Variants in SLC22A16 observed in about 807,000 individuals in gnomAD.
The protein encoded by SLC22A16 is solute carrier family 22 member 16, also known as WUGSC:RG331P03.1.
In SLC22A16, 53 loss-of-function variants were observed where a neutral mutation model predicts 52.9. The observed-to-expected ratio is 1.00, with a 90% CI of 0.80 to 1.26. The LOEUF is 1.26. SLC22A16 is among the 50% of genes most tolerant of loss of function. The probability of loss-of-function intolerance (pLI) is 0.00; values close to 1 mark genes in which losing one functional copy is unlikely to be tolerated. For synonymous variants in SLC22A16, 291 were observed against 268.8 expected (o/e 1.08, Z -0.81); for missense variants, 726 against 704.0 (o/e 1.03, Z -0.35).
Position 110,446,873 on chromosome 6 carries a change from C to T in SLC22A16, c.651G>A (p.Met217Ile). The T allele has an allele frequency of 6.2e-7, 1 of 1,607,970 alleles. No individual in the cohort carries two copies. Among genetic ancestry groups the T allele is most frequent in the Non-Finnish European group, 8.5e-7 (1 of 1,178,036 alleles). ...TAAAGAAGTAAAAAACACAACTCAC[C>T]ATGGCAAGAAAAAAGCGAGCAGCCA... ...TFMAARFFLA[M>I]VASGYLVVGF... is the part of the protein sequence containing the mutation. The change falls in exon 3 of 8, where the codon ATG (methionine) becomes ATA (isoleucine). Residue 217 changes from methionine (M) to isoleucine (I), a missense_variant and splice_region_variant. Transcript: ENST00000368919.
chr6:110,474,931 C>A, intron 1 of SLC22A16: 1 of 519,046 alleles, frequency 1.9e-6, no homozygotes, highest in Non-Finnish European at 3.8e-6. Flanking sequence ...GTACCACCTA[C>A]CTCATTGAGT....
At chr6:110,450,796 A>G (rs991929481) in intron 2 of SLC22A16, among the ~76,000 whole-genome samples, 2 of 152,094 alleles carry the variant, frequency 1.3e-5, no homozygotes, top group Admixed American at 6.5e-5. Context: ...AAGAATAATA[A>G]AAAATCAAAT....
intron 1 of SLC22A16, 97 bp downstream of exon 1, chr6:110,476,425 G>C: frequency 7.2e-7 from 1 of 1,397,906 alleles, no homozygotes; most frequent in South Asian, 1.6e-5. Context: ...AGATGTTTTC[G>C]GATCGCGAGC....
chr6:110,455,067 T>TAC (rs1309493213), intron 2 of SLC22A16, among the ~76,000 whole-genome samples: 5 of 134,732 alleles, frequency 3.7e-5, no homozygotes, highest in South Asian at 2.2e-4. Context: ...TATATATATA[T>TAC]ACACACACAT....
At chr6:110,429,169 T>C (rs193125194) in intron 7 of SLC22A16, among the ~76,000 whole-genome samples, 2 of 152,304 alleles carry the variant, frequency 1.3e-5, no homozygotes, top group Admixed American at 6.5e-5. Flanking sequence ...AAACAAGTGC[T>C]AGCACAAAGG....
At chr6:110,475,459 G>A (rs1303854987) in intron 1 of SLC22A16, among the ~76,000 whole-genome samples, 1 of 152,198 alleles carries the variant, frequency 6.6e-6, no homozygotes, top group Non-Finnish European at 1.5e-5. Flanking sequence ...AATGATGCAA[G>A]CAGAGGAAGA....
chr6:110,463,558 A>G (rs1186252768), intron 1 of SLC22A16, among the ~76,000 whole-genome samples: 1 of 146,998 alleles, frequency 6.8e-6, no homozygotes, highest in Non-Finnish European at 1.5e-5. Flanking sequence ...GCATTATCCA[A>G]TGATACACGG....
In SLC22A16 at chr6:110,442,227, A is replaced by G; in HGVS notation, c.1183+17T>C. 1 of 1,604,132 alleles carries G rather than the reference A, an allele frequency of 6.2e-7. No homozygotes were observed. The highest frequency in any genetic ancestry group is 1.1e-5 in the South Asian group (1 of 89,574). ...TCTCACTTCACTGCCAAATTTAAAT[A>G]TACTGTAACTACTTACCCAGGAGGA... On this transcript the variant is annotated intron_variant, in intron 4 of 7. Transcript: ENST00000368919.
chr6:110,456,699 A>C lies in SLC22A16; in HGVS notation c.372T>G (p.Pro124=). The C allele has an allele frequency of 1.2e-6, 2 of 1,614,158 alleles. No homozygotes were observed. Among genetic ancestry groups the C allele is most frequent in the South Asian group, 2.2e-5 (2 of 91,076 alleles). ...YEYTGSKKEF[P]CVDGYIYDQN... is the part of the protein sequence containing the mutation. ...GGTCATATATGTAGCCATCCACACA[A>C]GGAAACTCTTTCTTACTGCCAGTGT... The change falls in exon 2 of 8, where the codon CCT becomes CCG. Residue 124 remains proline, a synonymous_variant. Coordinates refer to ENST00000368919, the MANE Select transcript of SLC22A16 (RefSeq NM_033125.4).
intron 1 of SLC22A16, among the ~76,000 whole-genome samples, chr6:110,467,023 T>G (rs775288756): frequency 1.3e-5 from 2 of 152,180 alleles, no homozygotes. Context: ...TCTGGAAAAC[T>G]CTACTGTACT....
intron 1 of SLC22A16, among the ~76,000 whole-genome samples, chr6:110,469,584 T>C (rs1309900180): frequency 1.3e-5 from 2 of 152,188 alleles, no homozygotes; most frequent in Non-Finnish European, 2.9e-5. Flanking sequence ...TATTGGATCA[T>C]ACTTTAAAGC....
Position 110,446,923 on chromosome 6 carries a change from ACG to A in SLC22A16, c.599_600del (p.Ala200ValfsTer4), listed in dbSNP as rs1410522739. ...ATGAAGGTGTAATAATCAACTGCAAACGCCGCTGCTATTCCAAACAAAAACAT... is the reference window on the plus strand; with the variant it reads ...ATGAAGGTGTAATAATCAACTGCAAACCGCTGCTATTCCAAACAAAAACAT... ...SSMFLFGIAA[A>X]FAVDYYTFMA... On this transcript the variant is annotated frameshift_variant, in exon 3 of 8. Transcript: ENST00000368919. LOFTEE classifies it high-confidence loss of function. The A allele has an allele frequency of 6.2e-7, 1 of 1,613,936 alleles. No individual in the cohort carries two copies. The highest frequency in any genetic ancestry group is 8.5e-7 in the Non-Finnish European group (1 of 1,179,908).
intron 2 of SLC22A16, among the ~76,000 whole-genome samples, chr6:110,452,252 T>A (rs1775413809): frequency 6.6e-6 from 1 of 152,240 alleles, no homozygotes; most frequent in Non-Finnish European, 1.5e-5. Context: ...ATGACATTTT[T>A]AAAATTTATA....
chr6:110,451,767 TGAA>T (rs1484332826), intron 2 of SLC22A16, among the ~76,000 whole-genome samples: 1 of 152,234 alleles, frequency 6.6e-6, no homozygotes, highest in African/African-American at 2.4e-5. Context: ...ATTCCTGTAA[TGAA>T]GTCAAATTTA....
intron 1 of SLC22A16, among the ~76,000 whole-genome samples, chr6:110,463,543 G>GAC (rs1775965295): frequency 1.9e-5 from 1 of 52,166 alleles, no homozygotes; most frequent in Non-Finnish European, 4.3e-5. Context: ...AAAAGACAAA[G>GAC]AATAGCATTA....
Position 110,467,670 on chromosome 6 carries a change from C to A in SLC22A16, c.53+8852G>T, listed in dbSNP as rs1260052519. Among the ~76,000 whole-genome samples the A allele has an allele frequency of 2.0e-5, 3 of 152,248 alleles. No individual in the cohort carries two copies. The East Asian group carries it at 5.8e-4, about 29-fold the overall frequency. ...GTGTATCCAAAAATTTAGCCTGGGT[C>A]CCCCATCAGTTAAATTTTAAAAAGT... is the stretch of plus-strand genomic sequence containing the variant. On this transcript the variant is annotated intron_variant, in intron 1 of 7. Transcript: ENST00000368919.
chr6:110,428,314 C>T (rs77413597), intron 7 of SLC22A16, among the ~76,000 whole-genome samples: 2,746 of 151,492 alleles, frequency 0.018, 69 homozygotes, highest in African/African-American at 0.064. Flanking sequence ...CATTCACAGA[C>T]TACTTCCATA....
chr6:110,446,221 T>C (rs1775165058), intron 3 of SLC22A16, among the ~76,000 whole-genome samples: 2 of 152,194 alleles, frequency 1.3e-5, no homozygotes, highest in Admixed American at 1.3e-4. Context: ...TCACTGAGCA[T>C]GGAAACAGCC....
rs762847490 is a variant in SLC22A16 at position 110,456,615 on chromosome 6, C to G, written c.456G>C (p.Trp152Cys). 8.1e-6 allele frequency: 13 copies of G among 1,614,158 alleles called. No homozygotes were observed. In the East Asian group the frequency reaches 8.9e-5, roughly 11 times the overall value. Residue 152 changes from tryptophan to cysteine, a missense_variant, in exon 2 of 8, where the codon TGG (tryptophan) becomes TGC (cysteine). Transcript: ENST00000368919. ...TQWNLVCDRK[W>C]LAMLIQPLFM... Reference sequence around the variant, plus strand: ...ATAGGGGCTGGATCAGCATTGCAAGCCATTTTCGGTCACAGACCAGGTTCC... The same window carrying G: ...ATAGGGGCTGGATCAGCATTGCAAGGCATTTTCGGTCACAGACCAGGTTCC...
Sources: allele counts gnomAD v4.1 joint callset (sites outside exome capture counted in the v4.1 genomes callset), GRCh38; gene constraint gnomAD v4.1.1; transcripts MANE v1.5; gene names NCBI Gene and HGNC (gene_info 2026-07-23, HGNC 2026-07-21).